The following MAP3K15 variants were observed in gnomAD, a reference collection of about 807,000 sequenced individuals.
The protein encoded by MAP3K15 is MAPK/ERK kinase kinase 15.
In MAP3K15, 124 loss-of-function variants were observed where a neutral mutation model predicts 99.5. The observed-to-expected ratio is 1.25, with a 90% confidence interval of 1.08 to 1.45. The LOEUF is 1.45. MAP3K15 is among the 40% of genes most tolerant of loss of function. MAP3K15 has a pLI of 0.00. For synonymous variants in MAP3K15, 494 were observed against 439.6 expected, an observed-to-expected ratio of 1.12 and a Z score of -1.55; for missense variants, 1,242 against 1,079.7, an observed-to-expected ratio of 1.15 and a Z score of -2.11.
intron 9 of MAP3K15, among the ~76,000 whole-genome samples, chrX:19,415,719 A>T (rs1445784883): frequency 1.9e-5 from 2 of 103,364 alleles, no homozygotes; most frequent in Non-Finnish European, 3.9e-5. Context: ...CTAGAAATAT[A>T]AAAAAAAAAA....
At chrX:19,373,721 A>G (rs1354684518) in intron 20 of MAP3K15, 26 bp from the exon 21 acceptor site, 1 of 1,187,523 alleles carries the variant, frequency 8.4e-7, no homozygotes, top group Non-Finnish European at 1.1e-6. Context: ...CAGACACCGA[A>G]TGGGGAGACT....
At chrX:19,402,489 C>A (rs184120844) in intron 13 of MAP3K15, among the ~76,000 whole-genome samples, 157 of 110,537 alleles carry the variant, frequency 1.4e-3, no homozygotes, top group African/African-American at 4.9e-3. Flanking sequence ...CAATAGAAAT[C>A]AATATATATG....
At chrX:19,435,623 T>G (rs1443126196) in intron 6 of MAP3K15, among the ~76,000 whole-genome samples, 1 of 111,584 alleles carries the variant, frequency 9.0e-6, no homozygotes, top group African/African-American at 3.3e-5. Context: ...AGCAAAGAGA[T>G]TTTCAGCTTA....
At chrX:19,377,657 C>T (rs2063429034) in intron 19 of MAP3K15, among the ~76,000 whole-genome samples, 1 of 112,396 alleles carries the variant, frequency 8.9e-6, no homozygotes, top group African/African-American at 3.2e-5. Context: ...AGCTCTCTCC[C>T]TGGTTTCCCG....
chrX:19,411,287 G>A (rs1030685438), intron 11 of MAP3K15, among the ~76,000 whole-genome samples: 9 of 112,205 alleles, frequency 8.0e-5, no homozygotes, highest in Admixed American at 4.7e-4. Flanking sequence ...CTGAGCATTT[G>A]GCTCAAGAGA....
intron 6 of MAP3K15, among the ~76,000 whole-genome samples, chrX:19,441,181 G>A (rs1015335520): frequency 8.9e-6 from 1 of 111,803 alleles, no homozygotes; most frequent in African/African-American, 3.3e-5. Flanking sequence ...TATATGAAAT[G>A]GCCAGAACAG....
intron 6 of MAP3K15, among the ~76,000 whole-genome samples, chrX:19,453,761 G>A (rs1424296172): frequency 1.8e-5 from 2 of 112,099 alleles, no homozygotes; most frequent in Non-Finnish European, 3.8e-5. Context: ...TGGAGACAAT[G>A]CATTAGAAAA....
intron 3 of MAP3K15, among the ~76,000 whole-genome samples, chrX:19,477,643 G>A (rs1343468292): frequency 1.1e-5 from 1 of 93,485 alleles, no homozygotes; most frequent in African/African-American, 3.8e-5. Context: ...CTGGGAGGTG[G>A]AGGTTGCAAT....
chrX:19,436,791 C>A (rs1483710745), intron 6 of MAP3K15, among the ~76,000 whole-genome samples: 1 of 111,625 alleles, frequency 9.0e-6, no homozygotes, highest in Non-Finnish European at 1.9e-5. Context: ...GACTCTCATG[C>A]CTCAGCCTCC....
At chrX:19,418,580 A>G (rs767204859) in intron 9 of MAP3K15, among the ~76,000 whole-genome samples, 1 of 111,474 alleles carries the variant, frequency 9.0e-6, no homozygotes, top group East Asian at 2.8e-4. Context: ...CCTGAAAGTG[A>G]CAGAGAGAAT....
chrX:19,466,117 C>A (rs902598992), intron 3 of MAP3K15, among the ~76,000 whole-genome samples: 1 of 110,690 alleles, frequency 9.0e-6, no homozygotes, highest in Non-Finnish European at 1.9e-5. Context: ...CTGCACCTGG[C>A]CTTGTAATAC....
intron 7 of MAP3K15, 130 bp from the exon 8 acceptor site, chrX:19,426,473 A>T: frequency 2.8e-6 from 1 of 358,248 alleles, no homozygotes; most frequent in South Asian, 5.5e-5. Context: ...CTCGCCTCCC[A>T]CCACCACCTT....
At chrX:19,493,388 T>C (rs1400581293) in intron 1 of MAP3K15, among the ~76,000 whole-genome samples, 2 of 108,315 alleles carry the variant, frequency 1.8e-5, no homozygotes, top group African/African-American at 6.7e-5. Flanking sequence ...TCATGTTCAA[T>C]AGGAAAACTG....
At chrX:19,454,754 C>T (rs1321223271) in intron 6 of MAP3K15, among the ~76,000 whole-genome samples, 1 of 111,934 alleles carries the variant, frequency 8.9e-6, no homozygotes, top group African/African-American at 3.2e-5. Context: ...ACTATATATA[C>T]CAGTTAGGTA....
chrX:19,414,895 T>C (rs181028115), intron 10 of MAP3K15, among the ~76,000 whole-genome samples: 205 of 112,024 alleles, frequency 1.8e-3, no homozygotes, highest in Non-Finnish European at 2.7e-3. Context: ...ACAAAGTTGC[T>C]TCCAATTGAG....
chrX:19,511,912 C>A (rs866706641), intron 1 of MAP3K15, among the ~76,000 whole-genome samples: 4 of 112,099 alleles, frequency 3.6e-5, no homozygotes, highest in Admixed American at 9.5e-5. Flanking sequence ...AGACTTGGAA[C>A]CAACCCAAAT....
chrX:19,492,891 T>C (rs1237589052), intron 1 of MAP3K15, among the ~76,000 whole-genome samples: 3 of 110,722 alleles, frequency 2.7e-5, no homozygotes, highest in Non-Finnish European at 5.7e-5. Context: ...CACTTGAACC[T>C]GGGAGGAGGC....
intron 19 of MAP3K15, among the ~76,000 whole-genome samples, chrX:19,378,194 A>G (rs967713391): frequency 1.8e-5 from 2 of 112,461 alleles, no homozygotes; most frequent in African/African-American, 6.5e-5. Flanking sequence ...ATCGCGTTCT[A>G]TCAGGGCCGT....
intron 1 of MAP3K15, among the ~76,000 whole-genome samples, chrX:19,513,728 T>C (rs2064536907): frequency 9.0e-6 from 1 of 111,660 alleles, no homozygotes; most frequent in Non-Finnish European, 1.9e-5. Flanking sequence ...CACTGTTAAC[T>C]CCCTTTGACC....
Sources: gnomAD v4.1 joint callset for allele counts (sites outside exome capture counted in the v4.1 genomes callset) on GRCh38, gnomAD v4.1.1 for gene constraint, MANE v1.5 for transcripts, NCBI Gene and HGNC (gene_info 2026-07-23, HGNC 2026-07-21) for gene names.